GJA1: variants seen among roughly 807,000 people sequenced by gnomAD.
The protein encoded by GJA1 is gap junction alpha-1 protein.
In GJA1, 9 loss-of-function variants were observed where a neutral mutation model predicts 31.0. The observed-to-expected ratio is 0.29, with a 90% confidence interval of 0.17 to 0.51. The LOEUF is 0.51. GJA1 is among the 20% of genes least tolerant of loss of function. GJA1 has a pLI of 0.98. For missense variants in GJA1, 278 were observed against 468.8 expected (o/e 0.59, Z 3.76); for synonymous variants, 186 against 180.1 (o/e 1.03, Z -0.26).
At chr6:121,439,815 C>T (rs781581262) in intron 1 of GJA1, among the ~76,000 whole-genome samples, 1 of 152,114 alleles carries the variant, frequency 6.6e-6, no homozygotes, top group Admixed American at 6.5e-5. Context: ...CATCAAATAC[C>T]TACACAAATG....
rs34127088 is a variant in GJA1, at chr6:121,449,489, C to CT, written c.*1499dup. On this transcript the variant is annotated 3_prime_UTR_variant, in exon 2 of 2. Transcript: ENST00000282561. ...GACATCTACCAGTTTCTCCAAATGC[C>CT]TTTTTTAAAACTCATCACAGAAGAT... 1 of 167,004 alleles carries CT rather than the reference C, an allele frequency of 6.0e-6. No homozygotes were observed. Among genetic ancestry groups the CT allele is most frequent in the Non-Finnish European group, 1.5e-5 (1 of 68,114 alleles). The allele number at this position is 167,004 out of a possible 1,614,324, so 10.3% of individuals were successfully genotyped here.
chr6:121,436,651 T>G (rs765776604), intron 1 of GJA1, among the ~76,000 whole-genome samples: 2 of 152,080 alleles, frequency 1.3e-5, no homozygotes, highest in Non-Finnish European at 2.9e-5. Flanking sequence ...AAAGAGTGTA[T>G]GCCAGGGTAC....
chr6:121,447,611 G>A lies in GJA1; in HGVS notation c.764G>A (p.Ser255Asn), dbSNP rs765459582. Residue 255 changes from serine to asparagine, a missense_variant, in exon 2 of 2, where the codon AGC becomes AAC. Ser to Asn is a conservative substitution (Grantham distance 46). Around this residue, in one of 3 missense-constraint regions of GJA1, gnomAD observed 172 missense variants for 190.9 expected, o/e 0.90. Coordinates refer to ENST00000282561, the MANE Select transcript of GJA1 (RefSeq NM_000165.5). ...DPYHATSGAL[S>N]PAKDCGSQKY... The stretch of plus-strand genomic sequence containing the variant: ...TACCATGCGACCAGTGGTGCGCTGA[G>A]CCCTGCCAAAGACTGTGGGTCTCAA... The A allele has an allele frequency of 3.5e-5, 57 of 1,613,928 alleles. No homozygotes were observed. The highest frequency in any genetic ancestry group is 1.7e-5 in the Admixed American group (1 of 59,992).
In GJA1 at chr6:121,448,267, G is replaced by C. The variant is rs72548746; in HGVS notation, c.*271G>C. 130 of 514,578 alleles carry C rather than the reference G, an allele frequency of 2.5e-4. No individual in the cohort carries two copies. The highest frequency in any genetic ancestry group is 1.5e-3 in the Admixed American group (47 of 30,736). 31.9% of individuals were successfully genotyped at this position (514,578 alleles called of 1,614,324 possible). On this transcript the variant is annotated 3_prime_UTR_variant, in exon 2 of 2. Coordinates refer to ENST00000282561, the MANE Select transcript of GJA1 (RefSeq NM_000165.5). ...TAGATTATAAATAAGAGTTCCATTA[G>C]GTGATACATAGATAAGGGCTTTTTC...
intron 1 of GJA1, among the ~76,000 whole-genome samples, chr6:121,436,931 T>C (rs1036531794): frequency 6.6e-6 from 1 of 152,254 alleles, no homozygotes. Flanking sequence ...AATGCAGCCA[T>C]GCATTTTTGT....
At chr6:121,436,184 T>TGGG (rs11333433) in intron 1 of GJA1, among the ~76,000 whole-genome samples, 868 of 29,822 alleles carry the variant, frequency 0.029, 30 homozygotes, top group South Asian at 0.045. Flanking sequence ...ATTTGTTGGG[T>TGGG]GGGGGGGGGG....
chr6:121,443,254 A>C lies in GJA1; in HGVS notation c.-16-3578A>C, dbSNP rs78429678. The stretch of plus-strand genomic sequence containing the variant: ...ATTCATGGCAAAGTGAGCAACTACC[A>C]AAAAAAAAGGGAACAATTTTTGTTA... On this transcript the variant is annotated intron_variant, in intron 1 of 1. Transcript: ENST00000282561. Among the ~76,000 whole-genome samples, 74 of 151,266 alleles carry C rather than the reference A, an allele frequency of 4.9e-4. 1 individual carries two copies. Among genetic ancestry groups the C allele is most frequent in the South Asian group, 1.0e-3 (5 of 4,770 alleles).
intron 1 of GJA1, among the ~76,000 whole-genome samples, chr6:121,437,404 A>C (rs1396735028): frequency 2.8e-5 from 4 of 141,672 alleles, no homozygotes; most frequent in African/African-American, 1.1e-4. Flanking sequence ...GAATCCCACT[A>C]TCTCCGCGTT....
At chr6:121,438,474 G>A (rs1367117073) in intron 1 of GJA1, among the ~76,000 whole-genome samples, 1 of 152,102 alleles carries the variant, frequency 6.6e-6, no homozygotes, top group Non-Finnish European at 1.5e-5. Context: ...AGAGAAGGAG[G>A]GAAAACACGG....
intron 1 of GJA1, among the ~76,000 whole-genome samples, chr6:121,438,606 C>T (rs1347932530): frequency 2.6e-5 from 4 of 151,968 alleles, no homozygotes; most frequent in East Asian, 1.9e-4. Flanking sequence ...CCTTCCACTC[C>T]GCCTTTCCTG....
chr6:121,440,377 T>A (rs529262994), intron 1 of GJA1, among the ~76,000 whole-genome samples: 1 of 152,252 alleles, frequency 6.6e-6, no homozygotes, highest in South Asian at 2.1e-4. Flanking sequence ...CTTTTTTCTT[T>A]TAAGCCTGTC....
chr6:121,449,051 T>C lies in GJA1; in HGVS notation c.*1055T>C, dbSNP rs1054315827. The C allele has an allele frequency of 1.8e-5, 3 of 165,920 alleles. No individual in the cohort carries two copies. The highest frequency in any genetic ancestry group is 2.1e-4 in the South Asian group (1 of 4,838). 10.3% of individuals were successfully genotyped at this position (165,920 alleles called of 1,614,324 possible). On this transcript the variant is annotated 3_prime_UTR_variant, in exon 2 of 2. Transcript: ENST00000282561. ...ATGTTTTTCCCTGTGTATCCTATTATGGATACTGGTTTTGTTAATTATGAT... is the reference window on the plus strand; with the variant it reads ...ATGTTTTTCCCTGTGTATCCTATTACGGATACTGGTTTTGTTAATTATGAT...
chr6:121,445,066 C>G (rs1773863276), intron 1 of GJA1, among the ~76,000 whole-genome samples: 1 of 152,208 alleles, frequency 6.6e-6, no homozygotes, highest in Admixed American at 6.5e-5. Flanking sequence ...CTCTGAGAAC[C>G]TCAATTTTTA....
chr6:121,441,996 A>G (rs1773801646), intron 1 of GJA1, among the ~76,000 whole-genome samples: 1 of 152,132 alleles, frequency 6.6e-6, no homozygotes, highest in Admixed American at 6.5e-5. Context: ...CACACACATG[A>G]TTTCCCTTTC....
At chr6:121,443,505 A>G (rs564536919) in intron 1 of GJA1, among the ~76,000 whole-genome samples, 23 of 152,334 alleles carry the variant, frequency 1.5e-4, no homozygotes, top group African/African-American at 5.0e-4. Flanking sequence ...AGAACTAATG[A>G]AGAGCTGTCT....
intron 1 of GJA1, among the ~76,000 whole-genome samples, chr6:121,436,048 A>T (rs1175436191): frequency 1.3e-5 from 2 of 152,108 alleles, no homozygotes; most frequent in East Asian, 3.8e-4. Context: ...ACATTGCAAC[A>T]GGTGAAAAGG....
chr6:121,441,381 T>G (rs564282283), intron 1 of GJA1, among the ~76,000 whole-genome samples: 2 of 152,150 alleles, frequency 1.3e-5, no homozygotes, highest in East Asian at 3.9e-4. Context: ...GAGCCACATC[T>G]CTTACTCTTT....
intron 1 of GJA1, among the ~76,000 whole-genome samples, chr6:121,436,261 A>T (rs773925845): frequency 6.8e-6 from 1 of 148,118 alleles, no homozygotes. Flanking sequence ...AAATTTGCTT[A>T]GCGTGCTTCC....
chr6:121,448,658 C>T lies in GJA1; in HGVS notation c.*662C>T, dbSNP rs1298868201. ...TATATTCTTTTTCCATCCACTTGCA[C>T]AATATCATTACCATCACTTTTTCAT... On this transcript the variant is annotated 3_prime_UTR_variant, in exon 2 of 2. Transcript: ENST00000282561. 6.0e-6 allele frequency: 1 copy of T among 167,874 alleles called. No individual in the cohort carries two copies. Among genetic ancestry groups the T allele is most frequent in the African/African-American group, 2.4e-5 (1 of 41,456 alleles). The allele number at this position is 167,874 out of a possible 1,614,324, so 10.4% of individuals were successfully genotyped here. A position where few individuals can be genotyped will look rare whatever the true frequency, so the allele number is the denominator to read the frequency against.
Sources: allele counts gnomAD v4.1 joint callset (sites outside exome capture counted in the v4.1 genomes callset), GRCh38; gene constraint gnomAD v4.1.1; regional missense constraint gnomAD v4.1.1; transcripts MANE v1.5; gene names NCBI Gene and HGNC (gene_info 2026-07-23, HGNC 2026-07-21).